Variants in GDPD5 observed in about 807,000 individuals in gnomAD.
The protein encoded by GDPD5 is glycerophosphodiester phosphodiesterase 2.
Under a neutral mutation model 75.1 loss-of-function variants are expected in GDPD5, and 48 were observed. The observed-to-expected ratio is 0.64, with a 90% CI of 0.51 to 0.81. The LOEUF (loss-of-function observed/expected upper bound fraction) is 0.81, where lower values mean the gene tolerates loss of function less well. Ranked by LOEUF, GDPD5 falls within the 40% of genes least tolerant of loss-of-function variation. The pLI is 0.00. For missense variants in GDPD5, 706 were observed against 822.6 expected (o/e 0.86, Z 1.73); for synonymous variants, 336 against 339.0 (o/e 0.99, Z 0.10).
At chr11:75,507,244 G>A (rs1950420437) in intron 1 of GDPD5, 1 of 152,352 alleles carries the variant, frequency 6.6e-6, no homozygotes, top group Admixed American at 6.5e-5. Flanking sequence ...TGGGGAGGCT[G>A]GGTGGGCTAC....
rs1949420926 is a variant in GDPD5 at position 75,461,845 on chromosome 11, G to A, written c.221+941C>T. ...TTCCAAGCCCCAGCTGTCCCCAACTGGCTGTGTGACCTGGGCCTGTTTCCT... is the reference window on the plus strand; with the variant it reads ...TTCCAAGCCCCAGCTGTCCCCAACTAGCTGTGTGACCTGGGCCTGTTTCCT... On this transcript the variant is annotated intron_variant, in intron 4 of 16. Transcript: ENST00000336898. 2.0e-5 allele frequency among the ~76,000 whole-genome samples: 3 copies of A among 152,304 alleles called. No homozygotes were observed. In the South Asian group the frequency reaches 6.2e-4, roughly 32 times the overall value.
chr11:75,468,459 G>A (rs1336567385), intron 3 of GDPD5, among the ~76,000 whole-genome samples: 5 of 152,304 alleles, frequency 3.3e-5, no homozygotes, highest in South Asian at 2.1e-4. Flanking sequence ...GCCTGACAAC[G>A]GAAGGCTGGG....
intron 3 of GDPD5, among the ~76,000 whole-genome samples, chr11:75,463,550 A>G (rs1184350166): frequency 6.6e-6 from 1 of 152,048 alleles, no homozygotes; most frequent in Non-Finnish European, 1.5e-5. Context: ...CCCTGCTTTC[A>G]TCCGTCCCCT....
intron 1 of GDPD5, chr11:75,517,280 C>T (rs1042434451): frequency 6.6e-6 from 1 of 152,120 alleles, no homozygotes; most frequent in Non-Finnish European, 1.5e-5. Flanking sequence ...CATAGCGAAA[C>T]TCCATCTCTA....
At chr11:75,476,659 G>A (rs927275748) in intron 3 of GDPD5, among the ~76,000 whole-genome samples, 1 of 152,182 alleles carries the variant, frequency 6.6e-6, no homozygotes, top group African/African-American at 2.4e-5. Flanking sequence ...TCTGTGGCCG[G>A]GAGTGGGGAG....
At chr11:75,466,862 G>C (rs1382969220) in intron 3 of GDPD5, among the ~76,000 whole-genome samples, 2 of 152,134 alleles carry the variant, frequency 1.3e-5, no homozygotes, top group Admixed American at 6.5e-5. Flanking sequence ...TAGGGGAGGA[G>C]TGGGGATAAG....
rs550732656 is a variant in GDPD5, at chr11:75,454,040, A to T, written c.375+2717T>A. On this transcript the variant is annotated intron_variant, in intron 6 of 16. Coordinates refer to ENST00000336898, the MANE Select transcript of GDPD5 (RefSeq NM_030792.8). The stretch of plus-strand genomic sequence containing the variant: ...AGATTCAAGTATGTAAGAATAAAAA[A>T]ATATATATCCCCATGGTAAAAACGC... 3.9e-5 allele frequency among the ~76,000 whole-genome samples: 6 copies of T among 152,302 alleles called. No homozygotes were observed. In the South Asian group the frequency reaches 1.2e-3, roughly 32 times the overall value.
intron 2 of GDPD5, chr11:75,485,631 C>T (rs1310749813): frequency 1.3e-5 from 2 of 152,106 alleles, no homozygotes; most frequent in Non-Finnish European, 2.9e-5. Context: ...GATTTGAACC[C>T]GGGGCTGTTG....
At chr11:75,521,654 C>A (rs1941460940) in intron 1 of GDPD5, among the ~76,000 whole-genome samples, 1 of 152,198 alleles carries the variant, frequency 6.6e-6, no homozygotes, top group Admixed American at 6.5e-5. Flanking sequence ...ACTATTACTG[C>A]TGAATGTTAA....
At position 75,436,952 on chromosome 11, in the gene GDPD5, C is replaced by T. The variant is rs764033083; in HGVS notation, c.1653G>A (p.Glu551=). 6.2e-7 allele frequency: 1 copy of T among 1,613,594 alleles called. No homozygotes were observed. The highest frequency in any genetic ancestry group is 8.5e-7 in the Non-Finnish European group (1 of 1,179,942). The change falls in exon 16 of 17, where the codon GAG becomes GAA. Residue 551 remains glutamate (E), a synonymous_variant. Coordinates refer to ENST00000336898, the MANE Select transcript of GDPD5 (RefSeq NM_030792.8). ...GCTGTGTACCTGAGAAAATAAGCTT[C>T]TCCTTCATGATGCTGACGTCCCGGC... ...RTSRDVSIMK[E]KLIFSEISDG... is the part of the protein sequence containing the mutation.
At chr11:75,446,195 G>A (rs1387597827) in intron 9 of GDPD5, among the ~76,000 whole-genome samples, 7 of 152,254 alleles carry the variant, frequency 4.6e-5, no homozygotes, top group African/African-American at 1.7e-4. Flanking sequence ...AAGGGGTTGC[G>A]AAGACCCTCA....
rs1233643009 is a variant in GDPD5 at position 75,449,925 on chromosome 11, A to G, written c.434T>C (p.Leu145Pro). The change falls in exon 7 of 17, where the codon CTG becomes CCG. Residue 145 changes from leucine (L) to proline (P), a missense_variant. Leu to Pro is a moderately conservative substitution (Grantham distance 98, BLOSUM62 -3). Coordinates refer to ENST00000336898, the MANE Select transcript of GDPD5 (RefSeq NM_030792.8). ...TVVAMSAVAQ[L>P]WEDEWEVLLI... ...CAGCACCTCCCACTCGTCCTCCCAC[A>G]GCTGGGCCACGGCCGACATGGCCAC... is the stretch of plus-strand genomic sequence containing the variant. 3.1e-6 allele frequency: 5 copies of G among 1,613,816 alleles called. No individual in the cohort carries two copies. Among genetic ancestry groups the G allele is most frequent in the Non-Finnish European group, 4.2e-6 (5 of 1,180,028 alleles).
At chr11:75,492,156 G>A (rs1425073249) in intron 1 of GDPD5, among the ~76,000 whole-genome samples, 3 of 152,184 alleles carry the variant, frequency 2.0e-5, no homozygotes, top group Non-Finnish European at 4.4e-5. Flanking sequence ...GGACGCGGAG[G>A]CCGCCCCCAT....
chr11:75,446,210 A>C (rs974093208), intron 9 of GDPD5, among the ~76,000 whole-genome samples: 1 of 152,268 alleles, frequency 6.6e-6, no homozygotes, highest in Non-Finnish European at 1.5e-5. Context: ...CCCTCAGGGC[A>C]GAGGAAGTGT....
chr11:75,441,628 C>CCAGGG lies in GDPD5; in HGVS notation c.1325+13_1325+17dup, dbSNP rs1948809775. Reference sequence around the variant, plus strand: ...CAGTCCCACCCTCTCCTGGAGGAGCCCAGGGCAGGGCAGGCACCTGAGCTC... The same window carrying CCAGGG: ...CAGTCCCACCCTCTCCTGGAGGAGCCCAGGGCAGGGCAGGGCAGGCACCTGAGCTC... On this transcript the variant is annotated intron_variant, in intron 13 of 16. Coordinates refer to ENST00000336898, the MANE Select transcript of GDPD5 (RefSeq NM_030792.8). 1.9e-6 allele frequency: 3 copies of CCAGGG among 1,547,232 alleles called. No individual in the cohort carries two copies. Among genetic ancestry groups the CCAGGG allele is most frequent in the Admixed American group, 3.8e-5 (2 of 52,876 alleles).
intron 2 of GDPD5, among the ~76,000 whole-genome samples, chr11:75,488,770 T>C (rs1950058375): frequency 6.6e-6 from 1 of 152,226 alleles, no homozygotes; most frequent in South Asian, 2.1e-4. Flanking sequence ...GCAGAGCTCC[T>C]GAGAATGATC....
intron 1 of GDPD5, among the ~76,000 whole-genome samples, chr11:75,510,515 C>T (rs1410667490): frequency 6.6e-6 from 1 of 152,214 alleles, no homozygotes; most frequent in East Asian, 1.9e-4. Context: ...CCCCGTCTGA[C>T]CTCCTTTTCC....
rs111399890 is a variant in GDPD5 at position 75,500,516 on chromosome 11, C to A, written c.-144-10196G>T. Among the ~76,000 whole-genome samples the A allele has an allele frequency of 1.9e-3, 294 of 152,272 alleles. 2 individuals carry two copies. The highest frequency in any genetic ancestry group is 6.5e-3 in the African/African-American group (272 of 41,544). ...CTTCGCTGGATCCTCTCTGCCCAGGCCTGAATGCTGCTGCTCTCAATCCTA... is the reference window on the plus strand; with the variant it reads ...CTTCGCTGGATCCTCTCTGCCCAGGACTGAATGCTGCTGCTCTCAATCCTA... On this transcript the variant is annotated intron_variant, in intron 1 of 16. Transcript: ENST00000336898.
At chr11:75,518,013 G>A (rs1009384768) in intron 1 of GDPD5, among the ~76,000 whole-genome samples, 2 of 152,200 alleles carry the variant, frequency 1.3e-5, no homozygotes, top group Non-Finnish European at 2.9e-5. Flanking sequence ...AGAGAGAAAG[G>A]GGACAGTGGG....
Sources: allele counts gnomAD v4.1 joint callset (sites outside exome capture counted in the v4.1 genomes callset), GRCh38; gene constraint gnomAD v4.1.1; transcripts MANE v1.5; gene names NCBI Gene and HGNC (gene_info 2026-07-23, HGNC 2026-07-21).